ZC3H12B: variants seen among roughly 807,000 people sequenced by gnomAD.
The protein encoded by ZC3H12B is zinc finger CCCH-type containing 12B, also known as probable ribonuclease ZC3H12B.
In ZC3H12B, 7 loss-of-function variants were observed where a neutral mutation model predicts 43.9. That is an observed-to-expected ratio of 0.16 (90% CI 0.09 to 0.30). The LOEUF (loss-of-function observed/expected upper bound fraction) is 0.30. Among genes scored for constraint, ZC3H12B ranks in the 10% least tolerant of loss-of-function variants. The probability of loss-of-function intolerance (pLI) is 1.00; values close to 1 mark genes in which losing one functional copy is unlikely to be tolerated. For synonymous variants in ZC3H12B, 222 were observed against 241.7 expected (o/e 0.92, Z 0.76); for missense variants, 475 against 670.2 (o/e 0.71, Z 3.22).
At chrX:65,267,080 C>A in the ZC3H12B span, among the ~76,000 whole-genome samples, 2 of 110,599 alleles carry the variant, frequency 1.8e-5, no homozygotes, top group Non-Finnish European at 3.8e-5. Context: ...GACATTTGGG[C>A]TCCACACAAG....
At chrX:65,468,086 G>T (rs1414017190) in intron 3 of ZC3H12B, among the ~76,000 whole-genome samples, 1 of 111,886 alleles carries the variant, frequency 8.9e-6, no homozygotes, top group East Asian at 2.8e-4. Context: ...TATGTTGTCA[G>T]GTCTTAGATT....
At chrX:65,117,463 C>A in the ZC3H12B span, among the ~76,000 whole-genome samples, 2 of 111,557 alleles carry the variant, frequency 1.8e-5, no homozygotes, top group Non-Finnish European at 3.8e-5. Flanking sequence ...GGATATTAGA[C>A]CTTTGTCAGA....
the ZC3H12B span, among the ~76,000 whole-genome samples, chrX:65,268,895 G>GA: frequency 9.0e-6 from 1 of 111,457 alleles, no homozygotes. Flanking sequence ...AATCAGACAA[G>GA]AAAATGCAAA....
the ZC3H12B span, among the ~76,000 whole-genome samples, chrX:65,151,283 T>A: frequency 8.9e-6 from 1 of 111,743 alleles, no homozygotes; most frequent in Non-Finnish European, 1.9e-5. Flanking sequence ...ATTTAAAAAA[T>A]GATAAAAGTA....
chrX:65,304,338 C>A, the ZC3H12B span, among the ~76,000 whole-genome samples: 3 of 111,711 alleles, frequency 2.7e-5, no homozygotes, highest in Non-Finnish European at 3.8e-5. Flanking sequence ...TTTACCCGAC[C>A]GGGTGCGGTG....
At chrX:65,183,484 C>A in the ZC3H12B span, among the ~76,000 whole-genome samples, 1 of 111,208 alleles carries the variant, frequency 9.0e-6, no homozygotes, top group African/African-American at 3.3e-5. Flanking sequence ...TCTGAGTACA[C>A]CAAACCCCAG....
chrX:65,445,675 G>A (rs1361289167), intron 3 of ZC3H12B, among the ~76,000 whole-genome samples: 1 of 112,147 alleles, frequency 8.9e-6, no homozygotes, highest in Non-Finnish European at 1.9e-5. Context: ...TTTGATTCAA[G>A]GCACAAGGGC....
the ZC3H12B span, among the ~76,000 whole-genome samples, chrX:65,202,406 G>A: frequency 9.3e-6 from 1 of 107,767 alleles, no homozygotes; most frequent in African/African-American, 3.4e-5. Flanking sequence ...AAAGGCACTT[G>A]GTTGTTGTGA....
At chrX:65,149,650 G>T in the ZC3H12B span, among the ~76,000 whole-genome samples, 1 of 107,891 alleles carries the variant, frequency 9.3e-6, no homozygotes, top group African/African-American at 3.4e-5. Flanking sequence ...TGTATTCCCA[G>T]CTACTCAGGA....
the ZC3H12B span, among the ~76,000 whole-genome samples, chrX:65,102,334 A>G: frequency 4.5e-5 from 5 of 111,961 alleles, no homozygotes; most frequent in Non-Finnish European, 7.5e-5. Context: ...CAAGACAAGG[A>G]TACCCTCTCT....
At chrX:65,282,284 TCAAAAAAAAGAAACCAA>T in the ZC3H12B span, among the ~76,000 whole-genome samples, 1 of 109,156 alleles carries the variant, frequency 9.2e-6, no homozygotes, top group African/African-American at 3.3e-5. Flanking sequence ...ATCTCATCTC[TCAAAAAAAAGAAACCAA>T]CAAAAAAAAG....
At chrX:65,319,995 C>G in the ZC3H12B span, among the ~76,000 whole-genome samples, 1 of 111,477 alleles carries the variant, frequency 9.0e-6, no homozygotes, top group East Asian at 2.8e-4. Flanking sequence ...TGGCACAAGA[C>G]AAGGGTGCCC....
chrX:65,211,468 T>C, the ZC3H12B span, among the ~76,000 whole-genome samples: 1 of 106,773 alleles, frequency 9.4e-6, no homozygotes, highest in South Asian at 3.9e-4. Flanking sequence ...TAATATGCAT[T>C]ATATTGTTTA....
intron 3 of ZC3H12B, among the ~76,000 whole-genome samples, chrX:65,471,445 A>ATTT (rs781370409): frequency 9.8e-5 from 6 of 61,054 alleles, no homozygotes; most frequent in Non-Finnish European, 1.2e-4. Context: ...TTGGTTTGTG[A>ATTT]TTTTTTTTTT....
chrX:65,469,584 ATAC>A lies in ZC3H12B; in HGVS notation n.408-19057_408-19055del, dbSNP rs746477866. 10 of 255,891 alleles carry A rather than the reference ATAC, an allele frequency of 3.9e-5. No individual in the cohort carries two copies. In the East Asian group the frequency reaches 7.6e-4, roughly 19 times the overall value. The allele number at this position is 255,891 out of a possible 1,213,427, so 21.1% of individuals were successfully genotyped here. Reference sequence around the variant, plus strand: ...CGCCCATTGATGACTTTGAGCTCAGATACTACTGCCTCAGCACCCAGGTCTAGC... The same window carrying A: ...CGCCCATTGATGACTTTGAGCTCAGATACTGCCTCAGCACCCAGGTCTAGC... On this transcript the variant is annotated intron_variant and non_coding_transcript_variant, in intron 3 of 5. Transcript: ENST00000617377.
the ZC3H12B span, among the ~76,000 whole-genome samples, chrX:65,151,477 C>T: frequency 9.0e-6 from 1 of 111,629 alleles, no homozygotes; most frequent in African/African-American, 3.2e-5. Flanking sequence ...CCACTAATAG[C>T]AAGAAATAAG....
At chrX:65,306,181 AC>A in the ZC3H12B span, among the ~76,000 whole-genome samples, 234 of 112,121 alleles carry the variant, frequency 2.1e-3, no homozygotes, top group Non-Finnish European at 3.7e-3. Context: ...ATAGAAATGA[AC>A]TTTTTGTTAC....
chrX:65,408,617 AT>A (rs2066866202), intron 3 of ZC3H12B: 65 of 1,110,184 alleles, frequency 5.9e-5, no homozygotes, highest in Non-Finnish European at 7.1e-5. Context: ...TCACTTGGCA[AT>A]AAAAGATGAC....
chrX:65,204,615 T>G, the ZC3H12B span, among the ~76,000 whole-genome samples: 7 of 111,598 alleles, frequency 6.3e-5, no homozygotes, highest in Non-Finnish European at 1.3e-4. Flanking sequence ...GTAAACAAAG[T>G]GAAAATTAAG....
Sources: allele counts gnomAD v4.1 joint callset (sites outside exome capture counted in the v4.1 genomes callset), GRCh38; gene constraint gnomAD v4.1.1; transcripts MANE v1.5; gene names NCBI Gene and HGNC (gene_info 2026-07-23, HGNC 2026-07-21).